Variants in ZNF732 observed in about 807,000 individuals in gnomAD.
ZNF732 encodes the protein zinc finger protein 732, also known as zinc finger protein LOC654254.
In ZNF732, 12 loss-of-function variants were observed where a neutral mutation model predicts 11.5. That is an observed-to-expected ratio of 1.05 (90% CI 0.67 to 1.70). The LOEUF (loss-of-function observed/expected upper bound fraction) is 1.70, where lower values mean the gene tolerates loss of function less well. ZNF732 is among the 40% of genes most tolerant of loss of function. ZNF732 has a pLI of 0.00. For synonymous variants in ZNF732, 231 were observed against 236.5 expected (o/e 0.98, Z 0.21); for missense variants, 702 against 676.9 (o/e 1.04, Z -0.41).
intron 1 of ZNF732, among the ~76,000 whole-genome samples, chr4:297,252 G>A (rs1553842531): frequency 6.6e-6 from 1 of 150,390 alleles, no homozygotes. Context: ...GGGCGACAGC[G>A]AGACTCCATC....
chr4:293,221 T>C (rs1553841619), intron 3 of ZNF732, among the ~76,000 whole-genome samples: 1 of 138,980 alleles, frequency 7.2e-6, no homozygotes, highest in Non-Finnish European at 1.5e-5. Context: ...ATATTTACAA[T>C]AGCCAAAATA....
At chr4:291,827 GT>G (rs1443657887) in intron 3 of ZNF732, among the ~76,000 whole-genome samples, 1 of 152,110 alleles carries the variant, frequency 6.6e-6, no homozygotes, top group Non-Finnish European at 1.5e-5. Context: ...TTATTTAAAG[GT>G]TATAGTAAGC....
chr4:278,223 A>G (rs1322276964), intron 3 of ZNF732, among the ~76,000 whole-genome samples: 1 of 152,208 alleles, frequency 6.6e-6, no homozygotes, highest in African/African-American at 2.4e-5. Context: ...TTTTGAATAC[A>G]ACATCAAAGG....
At position 272,402 on chromosome 4, in the gene ZNF732, G is replaced by A; in HGVS notation, c.455C>T (p.Thr152Ile). Residue 152 changes from threonine (T) to isoleucine (I), a missense_variant, in exon 4 of 4, where the codon ACA becomes ATA. Around this residue, in one of 3 missense-constraint regions of ZNF732, gnomAD observed 596 missense variants for 557.9 expected, o/e 1.07. Transcript: ENST00000419098. The part of the protein sequence containing the change: ...QCNVHVKVFS[T>I]FSNSNQRRIR... ...CCTACGTTGGTTTGAATTTGAAAATGTACTAAATACTTTGACATGTACATT... is the reference window on the plus strand; with the variant it reads ...CCTACGTTGGTTTGAATTTGAAAATATACTAAATACTTTGACATGTACATT... 6 of 1,596,614 alleles carry A rather than the reference G, an allele frequency of 3.8e-6. No homozygotes were observed. The highest frequency in any genetic ancestry group is 5.1e-6 in the Non-Finnish European group (6 of 1,170,318).
At chr4:300,454 CA>C (rs559629684) in intron 1 of ZNF732, among the ~76,000 whole-genome samples, 2,239 of 58,672 alleles carry the variant, frequency 0.038, 62 homozygotes, top group African/African-American at 0.12. Context: ...GACTCTGTCT[CA>C]AAAAAAAAAA....
intron 3 of ZNF732, among the ~76,000 whole-genome samples, chr4:273,960 A>G (rs1553838305): frequency 6.6e-6 from 1 of 151,786 alleles, no homozygotes; most frequent in Admixed American, 6.6e-5. Context: ...AGATAACCAA[A>G]TGCTGAAAAA....
At chr4:288,879 A>AT (rs1560161471) in intron 3 of ZNF732, among the ~76,000 whole-genome samples, 1 of 152,226 alleles carries the variant, frequency 6.6e-6, no homozygotes, top group African/African-American at 2.4e-5. Context: ...CAGTGATGTA[A>AT]CAGGGTTTTG....
At position 295,489 on chromosome 4, in the gene ZNF732, T is replaced by C. The variant is rs1560163552; in HGVS notation, c.175A>G (p.Arg59Gly). 6.2e-7 allele frequency: 1 copy of C among 1,612,902 alleles called. No individual in the cohort carries two copies. The highest frequency in any genetic ancestry group is 1.3e-5 in the African/African-American group (1 of 75,026). Reference protein sequence around the residue: ...NPDLVIYLEQRKEPYKVKIHE... With the variant: ...NPDLVIYLEQGKEPYKVKIHE... ...ATCTTCACTTTGTAGGGCTCCTTTC[T>C]TTGCTCCAGATAGATGACCAGGTCT... Residue 59 changes from arginine to glycine, a missense_variant, in exon 3 of 4, where the codon AGA becomes GGA. Physicochemically the swap from Arg to Gly is moderately radical, Grantham distance 125 (BLOSUM62 -2). This residue lies in a region of ZNF732 where 596 missense variants were observed against 557.9 expected (regional missense o/e 1.07). Transcript: ENST00000419098.
At chr4:301,024 G>GA (rs1414985336) in intron 1 of ZNF732, among the ~76,000 whole-genome samples, 1 of 151,920 alleles carries the variant, frequency 6.6e-6, no homozygotes, top group Non-Finnish European at 1.5e-5. Context: ...AAATTTACAA[G>GA]AAAAAAACAA....
At position 272,489 on chromosome 4, in the gene ZNF732, T is replaced by C; in HGVS notation, c.368A>G (p.Lys123Arg). 1.2e-6 allele frequency: 2 copies of C among 1,602,906 alleles called. No individual in the cohort carries two copies. The highest frequency in any genetic ancestry group is 1.7e-6 in the Non-Finnish European group (2 of 1,173,914). Residue 123 changes from lysine (K) to arginine (R), a missense_variant, in exon 4 of 4, where the codon AAA becomes AGA. Lys to Arg is a conservative substitution (Grantham distance 26, BLOSUM62 2). Transcript: ENST00000419098. ...TTGATTAAATTCATTATAACCTCCT[T>C]TCTGCACCTTCCTTTTACAGCTTTT... ...LRKSCKRKVQ[K>R]GGYNEFNQCL...
At chr4:274,801 A>G (rs73791808) in intron 3 of ZNF732, among the ~76,000 whole-genome samples, 8,712 of 151,768 alleles carry the variant, frequency 0.057, 401 homozygotes, top group African/African-American at 0.13. Flanking sequence ...GAAGGACATT[A>G]AACAATAATA....
intron 3 of ZNF732, among the ~76,000 whole-genome samples, chr4:284,713 A>G (rs1193124857): frequency 6.6e-6 from 1 of 151,780 alleles, no homozygotes; most frequent in Non-Finnish European, 1.5e-5. Flanking sequence ...TCTACTAAAA[A>G]TACAAAAATT....
chr4:274,429 TA>T, intron 3 of ZNF732, among the ~76,000 whole-genome samples: 1 of 151,044 alleles, frequency 6.6e-6, no homozygotes, highest in East Asian at 1.9e-4. Context: ...AATACAAAAA[TA>T]AAAAAGACTA....
At chr4:296,256 G>T in intron 1 of ZNF732, 101 bp from the exon 2 acceptor site, 1 of 1,466,580 alleles carries the variant, frequency 6.8e-7, no homozygotes, top group East Asian at 2.3e-5. Context: ...GAGATTATCT[G>T]ATAAAATAAC....
chr4:299,461 G>GTATATATATATATACACATGTGTA (rs61392588), intron 1 of ZNF732, among the ~76,000 whole-genome samples: 1 of 83,570 alleles, frequency 1.2e-5, no homozygotes, highest in Non-Finnish European at 2.1e-5. Context: ...ACACATATGT[G>GTATATATATATATACACATGTGTA]TATATATATA....
chr4:300,936 C>A (rs1312603768), intron 1 of ZNF732, among the ~76,000 whole-genome samples: 6 of 152,126 alleles, frequency 3.9e-5, no homozygotes, highest in African/African-American at 1.4e-4. Context: ...AACAGGCAAC[C>A]TACAGAATGG....
intron 3 of ZNF732, among the ~76,000 whole-genome samples, chr4:287,638 A>T (rs1250695029): frequency 6.6e-6 from 1 of 151,438 alleles, no homozygotes; most frequent in South Asian, 2.1e-4. Flanking sequence ...CTGTTTGAAA[A>T]ATATATATAT....
In ZNF732 at chr4:271,570, C is replaced by A. The variant is rs61792066; in HGVS notation, c.1287G>T (p.Trp429Cys). 3.1e-6 allele frequency: 5 copies of A among 1,607,324 alleles called. No homozygotes were observed. The South Asian group carries it at 3.4e-5, about 11-fold the overall frequency. The change falls in exon 4 of 4, where the codon TGG (tryptophan) becomes TGT (cysteine). Residue 429 changes from tryptophan to cysteine, a missense_variant. Physicochemically the swap from Trp to Cys is radical, Grantham distance 215 (BLOSUM62 -2). Coordinates refer to ENST00000419098, the MANE Select transcript of ZNF732 (RefSeq NM_001137608.3). ...KCEECGKAFG[W>C]STDLNKHKII... is the part of the protein sequence containing the mutation. ...TCTTATGTTTATTCAGGTCTGTGGA[C>A]CATCCAAAGGCTTTGCCACACTCTT...
Position 271,733 on chromosome 4 carries a change from G to T in ZNF732, c.1124C>A (p.Ala375Glu). ...EQCGKAFRQSATLNKHKSIHT... is the reference protein window; with the variant it reads ...EQCGKAFRQSETLNKHKSIHT... ...AATACTCTTATGTTTATTAAGGGTT[G>T]CGGATTGTCTAAAGGCTTTGCCACA... Residue 375 changes from alanine to glutamate, a missense_variant, in exon 4 of 4, where the codon GCA (alanine) becomes GAA (glutamate). By Grantham distance (107) the Ala-to-Glu change is moderately radical (BLOSUM62 -1). Transcript: ENST00000419098. 1.2e-6 allele frequency: 2 copies of T among 1,611,918 alleles called. No homozygotes were observed. Among genetic ancestry groups the T allele is most frequent in the Non-Finnish European group, 1.7e-6 (2 of 1,178,750 alleles).
Sources: allele counts gnomAD v4.1 joint callset (sites outside exome capture counted in the v4.1 genomes callset), GRCh38; gene constraint gnomAD v4.1.1; regional missense constraint gnomAD v4.1.1; transcripts MANE v1.5; gene names NCBI Gene and HGNC (gene_info 2026-07-23, HGNC 2026-07-21).